GPC4: variants seen among roughly 807,000 people sequenced by gnomAD.
GPC4 encodes the protein glypican-4.
A neutral mutation model predicts 35.0 loss-of-function variants in GPC4; 10 were observed. The ratio of observed to expected loss-of-function variants is 0.29; its 90% CI spans 0.18 to 0.48. GPC4 has a LOEUF of 0.48. Ranked by LOEUF, GPC4 falls within the 20% of genes least tolerant of loss-of-function variation. The probability of loss-of-function intolerance (pLI) is 0.99; values close to 1 mark genes in which losing one functional copy is unlikely to be tolerated. For synonymous variants in GPC4, 167 were observed against 170.2 expected (o/e 0.98, Z 0.15); for missense variants, 322 against 451.3 (o/e 0.71, Z 2.60).
At chrX:133,339,608 T>C (rs1370171678) in intron 1 of GPC4, among the ~76,000 whole-genome samples, 1 of 112,111 alleles carries the variant, frequency 8.9e-6, no homozygotes. Flanking sequence ...ATAAACAATA[T>C]AATATTCCAT....
chrX:133,312,685 A>AG (rs1212216838), intron 3 of GPC4, among the ~76,000 whole-genome samples: 2 of 86,062 alleles, frequency 2.3e-5, no homozygotes, highest in African/African-American at 1.3e-4. Context: ...GGAAGAAAGA[A>AG]AAAGAAAGAA....
intron 1 of GPC4, among the ~76,000 whole-genome samples, chrX:133,401,172 G>A (rs1159565361): frequency 5.4e-5 from 6 of 111,632 alleles, no homozygotes; most frequent in African/African-American, 3.3e-5. Flanking sequence ...AGAAGACCTC[G>A]TGGGCTGGCA....
chrX:133,383,678 T>C (rs1466514109), intron 1 of GPC4, among the ~76,000 whole-genome samples: 2 of 111,021 alleles, frequency 1.8e-5, no homozygotes, highest in East Asian at 5.7e-4. Context: ...ACCCCGTCTC[T>C]ACTAAAAATA....
intron 1 of GPC4, among the ~76,000 whole-genome samples, chrX:133,404,546 C>CA (rs766777711): frequency 0.033 from 1,215 of 37,335 alleles, 34 homozygotes; most frequent in Middle Eastern, 0.044. Flanking sequence ...GACTCTGCCT[C>CA]AAAAAAAAAA....
intron 1 of GPC4, among the ~76,000 whole-genome samples, chrX:133,412,669 C>T (rs932873580): frequency 8.9e-6 from 1 of 111,789 alleles, no homozygotes; most frequent in African/African-American, 3.3e-5. Context: ...AATAACTCCC[C>T]TATCTTTGGC....
chrX:133,415,275 C>T lies in GPC4; in HGVS notation c.-310G>A, dbSNP rs1603104388. On this transcript the variant is annotated 5_prime_UTR_variant, in exon 1 of 9. Coordinates refer to ENST00000370828, the MANE Select transcript of GPC4 (RefSeq NM_001448.3). ...TCGGGGTTTCGCGGGGCAGCGAACC[C>T]GGCAAGCTGACTGGCCGGCGAGGCG... The T allele has an allele frequency of 7.8e-6, 2 of 254,967 alleles. No homozygotes were observed. Among genetic ancestry groups the T allele is most frequent in the Middle Eastern group, 1.1e-3 (1 of 870 alleles). 21.0% of individuals were successfully genotyped at this position (254,967 alleles called of 1,213,427 possible). A position where few individuals can be genotyped will look rare whatever the true frequency, so the allele number is the denominator to read the frequency against.
intron 1 of GPC4, among the ~76,000 whole-genome samples, chrX:133,369,454 T>C (rs1434391472): frequency 8.9e-6 from 1 of 111,996 alleles, no homozygotes; most frequent in African/African-American, 3.2e-5. Context: ...CCTAATATAG[T>C]AGTACGATGC....
intron 1 of GPC4, among the ~76,000 whole-genome samples, chrX:133,409,731 T>G (rs2068805133): frequency 1.8e-5 from 2 of 111,524 alleles, no homozygotes; most frequent in African/African-American, 3.3e-5. Flanking sequence ...ATGAAAGAAG[T>G]ATCATTTGAG....
At chrX:133,409,778 ACT>A (rs2068805394) in intron 1 of GPC4, among the ~76,000 whole-genome samples, 1 of 111,573 alleles carries the variant, frequency 9.0e-6, no homozygotes, top group African/African-American at 3.3e-5. Flanking sequence ...CACAGGAATA[ACT>A]CTAATCAAAG....
intron 2 of GPC4, among the ~76,000 whole-genome samples, chrX:133,332,181 T>A (rs776280076): frequency 8.9e-6 from 1 of 111,775 alleles, no homozygotes; most frequent in Non-Finnish European, 1.9e-5. Flanking sequence ...TAAATAGTAT[T>A]CCTCATTATA....
chrX:133,390,434 C>T (rs961716200), intron 1 of GPC4, among the ~76,000 whole-genome samples: 5 of 111,825 alleles, frequency 4.5e-5, no homozygotes, highest in Non-Finnish European at 9.4e-5. Flanking sequence ...GAGAAGCCCT[C>T]CCCTCACAGC....
chrX:133,337,410 T>G lies in GPC4; in HGVS notation c.319+1773A>C, dbSNP rs2068448835. On this transcript the variant is annotated intron_variant, in intron 2 of 8. Coordinates refer to ENST00000370828, the MANE Select transcript of GPC4 (RefSeq NM_001448.3). ...GAAGGGAAAAGAATAGCTAAACCAG[T>G]AGGCCCATAGGCAATGACTGTGGGC... Among the ~76,000 whole-genome samples the G allele has an allele frequency of 3.6e-5, 4 of 111,533 alleles. No individual in the cohort carries two copies. The Admixed American group carries it at 3.8e-4, about 11-fold the overall frequency.
intron 1 of GPC4, among the ~76,000 whole-genome samples, chrX:133,384,114 G>A (rs974318238): frequency 8.9e-6 from 1 of 112,117 alleles, no homozygotes; most frequent in Non-Finnish European, 1.9e-5. Context: ...CCACTACCCA[G>A]AGCAAATGGC....
chrX:133,343,194 T>C (rs1222027930), intron 1 of GPC4, among the ~76,000 whole-genome samples: 1 of 112,201 alleles, frequency 8.9e-6, no homozygotes, highest in Non-Finnish European at 1.9e-5. Flanking sequence ...ATTCCAGCTG[T>C]GGAACAGCTG....
intron 1 of GPC4, among the ~76,000 whole-genome samples, chrX:133,370,171 T>C (rs1398858714): frequency 8.9e-6 from 1 of 111,864 alleles, no homozygotes; most frequent in African/African-American, 3.3e-5. Context: ...GTTTTTGCCC[T>C]GAGAATAGAA....
At chrX:133,320,140 G>A (rs1350142460) in intron 3 of GPC4, among the ~76,000 whole-genome samples, 4 of 111,567 alleles carry the variant, frequency 3.6e-5, no homozygotes, top group African/African-American at 1.3e-4. Flanking sequence ...ACTTAAAGTA[G>A]CCACAAAACT....
At chrX:133,317,788 T>C (rs777510446) in intron 3 of GPC4, among the ~76,000 whole-genome samples, 12 of 111,858 alleles carry the variant, frequency 1.1e-4, no homozygotes, top group African/African-American at 3.9e-4. Flanking sequence ...GTAAGAGTGA[T>C]AGGGAACCCA....
chrX:133,379,633 T>G (rs1291492634), intron 1 of GPC4, among the ~76,000 whole-genome samples: 1 of 111,871 alleles, frequency 8.9e-6, no homozygotes, highest in East Asian at 2.8e-4. Flanking sequence ...TTCAAATCCA[T>G]GCTGACTGAT....
chrX:133,354,125 C>T (rs1268335593), intron 1 of GPC4, among the ~76,000 whole-genome samples: 5 of 111,614 alleles, frequency 4.5e-5, no homozygotes, highest in Admixed American at 2.8e-4. Flanking sequence ...ATTTTTAGCC[C>T]CTCTCCTTGA....
Sources: allele counts gnomAD v4.1 joint callset (sites outside exome capture counted in the v4.1 genomes callset), GRCh38; gene constraint gnomAD v4.1.1; transcripts MANE v1.5; gene names NCBI Gene and HGNC (gene_info 2026-07-23, HGNC 2026-07-21).